The following MGAM2 variants were observed in gnomAD, a reference collection of about 807,000 sequenced individuals.
MGAM2 encodes the protein probable maltase-glucoamylase 2.
A neutral mutation model predicts 96.1 loss-of-function variants in MGAM2; 98 were observed. That is an observed-to-expected ratio of 1.02 (90% CI 0.87 to 1.21). The LOEUF is 1.21. Ranked by LOEUF, MGAM2 falls within the 50% of genes most tolerant of loss-of-function variation. The pLI, the probability that MGAM2 is intolerant of heterozygous loss-of-function variation, is 0.00. For missense variants in MGAM2, 2,055 were observed against 1,182.4 expected (o/e 1.74, Z -10.82); for synonymous variants, 749 against 414.8 (o/e 1.81, Z -9.79).
chr7:142,121,369 G>C (rs1196074495), intron 3 of MGAM2, among the ~76,000 whole-genome samples: 1 of 152,052 alleles, frequency 6.6e-6, no homozygotes, highest in Non-Finnish European at 1.5e-5. Flanking sequence ...GTAGAGGCAG[G>C]GTTTCACCGT....
chr7:142,205,164 T>C (rs1797358030), intron 45 of MGAM2, among the ~76,000 whole-genome samples: 1 of 152,134 alleles, frequency 6.6e-6, no homozygotes, highest in Non-Finnish European at 1.5e-5. Context: ...CTGTTTTTGT[T>C]GTCAGATCAT....
intron 21 of MGAM2, among the ~76,000 whole-genome samples, chr7:142,160,603 T>C (rs1289056518): frequency 6.6e-6 from 1 of 151,622 alleles, no homozygotes; most frequent in African/African-American, 2.4e-5. Context: ...AGATAAAGGT[T>C]ATCACGTGGA....
intron 32 of MGAM2, 56 bp downstream of exon 32, chr7:142,175,836 A>T: frequency 1.5e-6 from 1 of 685,082 alleles, no homozygotes; most frequent in Non-Finnish European, 2.7e-6. Context: ...ATGGTTCAAA[A>T]ATAGCACCAT....
intron 46 of MGAM2, among the ~76,000 whole-genome samples, chr7:142,213,921 A>C (rs981433005): frequency 1.3e-5 from 2 of 152,206 alleles, no homozygotes; most frequent in Non-Finnish European, 2.9e-5. Flanking sequence ...CCTCCATAAA[A>C]TACTGGCAAA....
chr7:142,179,431 C>T (rs904863899), intron 32 of MGAM2, among the ~76,000 whole-genome samples: 5 of 152,120 alleles, frequency 3.3e-5, no homozygotes, highest in African/African-American at 4.8e-5. Context: ...CCTTGCCATG[C>T]TCCAGTTCTC....
Position 142,138,573 on chromosome 7 carries a change from G to A in MGAM2, c.992G>A (p.Trp331Ter). Residue 331 changes from tryptophan (W) to a stop codon, truncating the protein, a stop_gained, in exon 10 of 48, where the codon TGG becomes TAG. Coordinates refer to ENST00000477922, the MANE Select transcript of MGAM2 (RefSeq NM_001293626.2). LOFTEE classifies it high-confidence loss of function. Reference protein sequence around the residue: ...LVGRPFFPPYWSLGFQLSRRD... With the variant: ...LVGRPFFPPY ...GGACGGCCATTCTTCCCTCCCTATTGGAGTCTTGGGTTCCAGCTTAGTCGC... is the reference window on the plus strand; with the variant it reads ...GGACGGCCATTCTTCCCTCCCTATTAGAGTCTTGGGTTCCAGCTTAGTCGC... The A allele has an allele frequency of 1.4e-6, 1 of 703,108 alleles. No homozygotes were observed. The highest frequency in any genetic ancestry group is 2.6e-6 in the Non-Finnish European group (1 of 384,988). The allele number at this position is 703,108 out of a possible 1,614,324, so 43.6% of individuals were successfully genotyped here.
At chr7:142,136,737 G>C (rs1312892189) in intron 8 of MGAM2, 97 bp downstream of exon 8, 2 of 551,912 alleles carry the variant, frequency 3.6e-6, no homozygotes, top group East Asian at 5.9e-5. Flanking sequence ...CTGTTGAACA[G>C]AAGGCATTTT....
chr7:142,220,969 G>A lies in MGAM2; in HGVS notation c.6458G>A (p.Ser2153Asn), dbSNP rs2129109021. Reference protein sequence around the residue: ...TPVQTNTTNASTSTNVANITA... With the variant: ...TPVQTNTTNANTSTNVANITA... The stretch of plus-strand genomic sequence containing the variant: ...GTTCAAACAAATACTACTAATGCTA[G>A]CACTAGTACTAATGTTGCTAATATA... Residue 2153 changes from serine (S) to asparagine (N), a missense_variant, in exon 48 of 48, where the codon AGC becomes AAC. Coordinates refer to ENST00000477922, the MANE Select transcript of MGAM2 (RefSeq NM_001293626.2). The A allele has an allele frequency of 4.3e-6, 3 of 701,954 alleles. No individual in the cohort carries two copies. Among genetic ancestry groups the A allele is most frequent in the Non-Finnish European group, 5.2e-6 (2 of 384,674 alleles). 43.5% of individuals were successfully genotyped at this position (701,954 alleles called of 1,614,324 possible).
rs1206344221 is a variant in MGAM2, at chr7:142,114,129, TCAAAAAAA to T, written c.-1+2323_-1+2330del. On this transcript the variant is annotated intron_variant, in intron 1 of 47. Coordinates refer to ENST00000477922, the MANE Select transcript of MGAM2 (RefSeq NM_001293626.2). ...CAGGGCAACAGAGCGAGACTCCATC[TCAAAAAAA>T]GAAAGAAAGAAAGAAGGAAAGAAAG... Among the ~76,000 whole-genome samples, 188 of 81,720 alleles carry T rather than the reference TCAAAAAAA, an allele frequency of 2.3e-3. 1 individual carries two copies. Among genetic ancestry groups the T allele is most frequent in the Middle Eastern group, 0.017 (2 of 120 alleles). The allele number at this position is 81,720 out of a possible 152,430, so 53.6% of individuals were successfully genotyped here.
At chr7:142,209,620 G>C (rs1797516154) in intron 46 of MGAM2, among the ~76,000 whole-genome samples, 1 of 152,104 alleles carries the variant, frequency 6.6e-6, no homozygotes. Context: ...TCACATATTT[G>C]AAGATGTCTC....
intron 46 of MGAM2, among the ~76,000 whole-genome samples, chr7:142,216,512 G>A (rs1167250841): frequency 6.6e-6 from 1 of 152,124 alleles, no homozygotes; most frequent in Non-Finnish European, 1.5e-5. Flanking sequence ...TTTCCTTAGG[G>A]GATAACTATT....
intron 3 of MGAM2, among the ~76,000 whole-genome samples, chr7:142,122,291 T>A (rs1453993769): frequency 6.6e-6 from 1 of 152,214 alleles, no homozygotes; most frequent in African/African-American, 2.4e-5. Context: ...CCAAGTATAT[T>A]ATTAGCTACA....
chr7:142,172,243 G>A (rs1476032139), intron 29 of MGAM2, 49 bp downstream of exon 29: 24 of 670,500 alleles, frequency 3.6e-5, no homozygotes, highest in East Asian at 5.5e-5. Flanking sequence ...AGCTGTGACC[G>A]CTCTATTTTG....
At chr7:142,201,524 T>C (rs924444733) in intron 45 of MGAM2, among the ~76,000 whole-genome samples, 1 of 152,168 alleles carries the variant, frequency 6.6e-6, no homozygotes, top group Non-Finnish European at 1.5e-5. Flanking sequence ...TACAGTTAGG[T>C]TTTGACAAAT....
In MGAM2 at chr7:142,222,205, T is replaced by G. The variant is rs1385018791; in HGVS notation, c.*146T>G. 2 of 394,920 alleles carry G rather than the reference T, an allele frequency of 5.1e-6. No individual in the cohort carries two copies. The highest frequency in any genetic ancestry group is 8.8e-5 in the Admixed American group (2 of 22,654). The allele number at this position is 394,920 out of a possible 1,614,324, so 24.5% of individuals were successfully genotyped here. A position where few individuals can be genotyped will look rare whatever the true frequency, so the allele number is the denominator to read the frequency against. On this transcript the variant is annotated 3_prime_UTR_variant, in exon 48 of 48. Transcript: ENST00000477922. ...GTACTCTAGCCATAAAAGACACAGCTACTCCAAACACTCTCGTCATTGCAG... is the reference window on the plus strand; with the variant it reads ...GTACTCTAGCCATAAAAGACACAGCGACTCCAAACACTCTCGTCATTGCAG...
intron 24 of MGAM2, 58 bp from the exon 25 acceptor site, chr7:142,166,040 C>G: frequency 5.0e-6 from 3 of 606,038 alleles, no homozygotes; most frequent in Non-Finnish European, 8.9e-6. Flanking sequence ...CAGCCAAGAA[C>G]TCTTTCTGGG....
At chr7:142,151,146 G>T (rs1452761331) in intron 15 of MGAM2, among the ~76,000 whole-genome samples, 1 of 152,162 alleles carries the variant, frequency 6.6e-6, no homozygotes, top group Non-Finnish European at 1.5e-5. Flanking sequence ...GGCAAAGTCA[G>T]CCCATATCCT....
At chr7:142,155,193 G>A (rs562891428) in intron 17 of MGAM2, among the ~76,000 whole-genome samples, 1 of 152,288 alleles carries the variant, frequency 6.6e-6, no homozygotes, top group South Asian at 2.1e-4. Flanking sequence ...ATCCCTCATA[G>A]GTATGGAGGA....
At position 142,221,073 on chromosome 7, in the gene MGAM2, A is replaced by G; in HGVS notation, c.6562A>G (p.Asn2188Asp). Residue 2188 changes from asparagine to aspartate, a missense_variant, in exon 48 of 48, where the codon AAT becomes GAT. Transcript: ENST00000477922. Reference sequence around the variant, plus strand: ...AGTTACAGCTATTCCTTCTCTTGCAAATACTGGTGTTGACACTACTAGCAA... The same window carrying G: ...AGTTACAGCTATTCCTTCTCTTGCAGATACTGGTGTTGACACTACTAGCAA... ...VPVTAIPSLA[N>D]TGVDTTSNSF... 1 of 702,534 alleles carries G rather than the reference A, an allele frequency of 1.4e-6. No homozygotes were observed. The highest frequency in any genetic ancestry group is 1.5e-5 in the South Asian group (1 of 67,586). 43.5% of individuals were successfully genotyped at this position (702,534 alleles called of 1,614,324 possible).
Sources: gnomAD v4.1 joint callset for allele counts (sites outside exome capture counted in the v4.1 genomes callset) on GRCh38, gnomAD v4.1.1 for gene constraint, MANE v1.5 for transcripts, NCBI Gene and HGNC (gene_info 2026-07-23, HGNC 2026-07-21) for gene names.